THADA: variants seen among roughly 807,000 people sequenced by gnomAD.
THADA encodes THADA armadillo repeat containing, also known as tRNA (32-2'-O)-methyltransferase regulator THADA.
Under a neutral mutation model 219.8 loss-of-function variants are expected in THADA, and 213 were observed. That is an observed-to-expected ratio of 0.97 (90% confidence interval 0.87 to 1.09). The LOEUF (loss-of-function observed/expected upper bound fraction) is 1.09. THADA is among the 50% of genes least tolerant of loss of function. THADA has a pLI of 0.00. For missense variants in THADA, 2,956 were observed against 2,311.3 expected (o/e 1.28, Z -5.72); for synonymous variants, 1,018 against 828.9 (o/e 1.23, Z -3.92).
At chr2:43,275,944 G>C (rs1286680879) in intron 36 of THADA, among the ~76,000 whole-genome samples, 1 of 152,226 alleles carries the variant, frequency 6.6e-6, no homozygotes. Flanking sequence ...AATGCCCGAT[G>C]TGGTATATAA....
At chr2:43,544,771 T>C (rs555013408) in intron 20 of THADA, among the ~76,000 whole-genome samples, 175 of 151,882 alleles carry the variant, frequency 1.2e-3, no homozygotes, top group African/African-American at 4.1e-3. Context: ...TAAGGAGATT[T>C]TGGGCTGAGA....
chr2:43,460,328 A>G (rs546342204), intron 26 of THADA, among the ~76,000 whole-genome samples: 2 of 151,916 alleles, frequency 1.3e-5, no homozygotes, highest in South Asian at 4.2e-4. Context: ...GCCAGTCAGC[A>G]TAAGAAAGAG....
intron 31 of THADA, among the ~76,000 whole-genome samples, chr2:43,299,382 G>T (rs967974610): frequency 6.6e-6 from 1 of 152,198 alleles, no homozygotes; most frequent in African/African-American, 2.4e-5. Flanking sequence ...AATCTAGCCG[G>T]GCGCAGTGGC....
intron 36 of THADA, among the ~76,000 whole-genome samples, chr2:43,263,802 G>A (rs1671226471): frequency 6.6e-6 from 1 of 152,168 alleles, no homozygotes; most frequent in South Asian, 2.1e-4. Context: ...GTAAATGTGT[G>A]CCATGGTGGT....
chr2:43,484,237 T>C lies in THADA; in HGVS notation c.3836+997A>G, dbSNP rs988436214. 13 of 164,312 alleles carry C rather than the reference T, an allele frequency of 7.9e-5. No individual in the cohort carries two copies. The East Asian group carries it at 1.7e-3, about 22-fold the overall frequency. The allele number at this position is 164,312 out of a possible 1,614,324, so 10.2% of individuals were successfully genotyped here. A position where few individuals can be genotyped will look rare whatever the true frequency, so the allele number is the denominator to read the frequency against. ...TTTAAATGATAATTCGGAAATACCA[T>C]AGTAGGTTTCATTAGAATTATCACT... On this transcript the variant is annotated intron_variant, in intron 26 of 37. Coordinates refer to ENST00000405975, the MANE Select transcript of THADA (RefSeq NM_022065.5).
intron 13 of THADA, 68 bp downstream of exon 13, chr2:43,571,639 C>T: frequency 6.6e-7 from 1 of 1,521,156 alleles, no homozygotes; most frequent in South Asian, 1.3e-5. Context: ...AAAATCTGGG[C>T]TCTTTTTAAA....
At chr2:43,337,583 T>C (rs1052236943) in intron 30 of THADA, among the ~76,000 whole-genome samples, 9 of 152,290 alleles carry the variant, frequency 5.9e-5, no homozygotes, top group African/African-American at 1.9e-4. Flanking sequence ...TGGACTTTTT[T>C]AGAAAACAAT....
intron 30 of THADA, among the ~76,000 whole-genome samples, chr2:43,324,715 G>A (rs1679120988): frequency 6.6e-6 from 1 of 152,208 alleles, no homozygotes; most frequent in South Asian, 2.1e-4. Context: ...CCAGAGGTTT[G>A]TTCTCAGTCT....
rs1381625391 is a variant in THADA at position 43,292,081 on chromosome 2, C to T, written c.4937+23G>A. ...GGGACCATACATCTTACCAAGGTTG[C>T]ACAGGAGGTTTTGGGGGCAAACCTT... On this transcript the variant is annotated intron_variant, in intron 33 of 37. Transcript: ENST00000405975. 4 of 1,511,864 alleles carry T rather than the reference C, an allele frequency of 2.6e-6. No individual in the cohort carries two copies. In the Admixed American group the frequency reaches 5.7e-5, roughly 22 times the overall value. The allele number at this position is 1,511,864 out of a possible 1,614,324, so 93.7% of individuals were successfully genotyped here.
intron 20 of THADA, among the ~76,000 whole-genome samples, chr2:43,544,568 T>C (rs1184671354): frequency 3.3e-5 from 5 of 152,190 alleles, no homozygotes; most frequent in African/African-American, 1.2e-4. Flanking sequence ...TGGTTTGTAG[T>C]TCTCCTTGAA....
chr2:43,556,490 G>C lies in THADA; in HGVS notation c.2529C>G (p.Tyr843Ter), dbSNP rs376123654. Residue 843 changes from tyrosine (Y) to a stop codon, truncating the protein, a stop_gained, in exon 17 of 38, where the codon TAC becomes TAG. Coordinates refer to ENST00000405975, the MANE Select transcript of THADA (RefSeq NM_022065.5). LOFTEE classifies it high-confidence loss of function. ...GCAGGTAGGAAGCTGTCACACAGTCGTATGGTTTGGTGCTTGTGCTGAGCT... is the reference window on the plus strand; with the variant it reads ...GCAGGTAGGAAGCTGTCACACAGTCCTATGGTTTGGTGCTTGTGCTGAGCT... ...ALELSTSTKP[Y>*]DCVTASYLLN... The C allele has an allele frequency of 3.7e-6, 6 of 1,613,778 alleles. No individual in the cohort carries two copies. In the African/African-American group the frequency reaches 8.0e-5, roughly 22 times the overall value.
chr2:43,552,069 A>G, intron 18 of THADA, 135 bp downstream of exon 18: 2 of 1,517,108 alleles, frequency 1.3e-6, no homozygotes, highest in Non-Finnish European at 1.8e-6. Flanking sequence ...ACAGATACGT[A>G]TGTTTTTAAA....
chr2:43,531,452 A>G (rs982747597), intron 21 of THADA, among the ~76,000 whole-genome samples: 1 of 152,230 alleles, frequency 6.6e-6, no homozygotes, highest in Non-Finnish European at 1.5e-5. Flanking sequence ...GTTTCGTGCT[A>G]GAAAACAGTA....
At chr2:43,541,107 G>C in intron 21 of THADA, 52 bp downstream of exon 21, 13 of 1,414,764 alleles carry the variant, frequency 9.2e-6, no homozygotes, top group Non-Finnish European at 1.1e-5. Context: ...AAAAAAAAGT[G>C]ATTTATGCGT....
rs193066299 is a variant in THADA at position 43,586,523 on chromosome 2, T to C, written c.485-74A>G. 3.6e-5 allele frequency: 50 copies of C among 1,389,664 alleles called. 1 individual carries two copies. In the South Asian group the frequency reaches 4.4e-4, roughly 12 times the overall value. 86.1% of individuals were successfully genotyped at this position (1,389,664 alleles called of 1,614,324 possible). A position where few individuals can be genotyped will look rare whatever the true frequency, so the allele number is the denominator to read the frequency against. On this transcript the variant is annotated intron_variant, in intron 6 of 37. Coordinates refer to ENST00000405975, the MANE Select transcript of THADA (RefSeq NM_022065.5). ...AATTTCAATAAAATAAAATATTTTA[T>C]ATCACTGTTATCCAAAATGATATCA...
chr2:43,410,450 A>C (rs955179955), intron 28 of THADA, among the ~76,000 whole-genome samples: 6 of 152,242 alleles, frequency 3.9e-5, no homozygotes, highest in Non-Finnish European at 8.8e-5. Flanking sequence ...GTTCCTAGCA[A>C]GTTATTTGTT....
intron 22 of THADA, among the ~76,000 whole-genome samples, chr2:43,515,442 G>T (rs1165167078): frequency 9.0e-6 from 1 of 111,250 alleles, no homozygotes; most frequent in East Asian, 2.4e-4. Flanking sequence ...CAGATAAGAT[G>T]AATTCTAACG....
chr2:43,296,456 AG>A (rs1271115423), intron 31 of THADA, among the ~76,000 whole-genome samples: 1 of 151,432 alleles, frequency 6.6e-6, no homozygotes, highest in East Asian at 2.0e-4. Context: ...TTGTATTTTT[AG>A]TAGAGACAGG....
intron 26 of THADA, among the ~76,000 whole-genome samples, chr2:43,472,797 T>C (rs942188581): frequency 6.6e-6 from 1 of 152,198 alleles, no homozygotes; most frequent in Non-Finnish European, 1.5e-5. Flanking sequence ...ATTACTCCTA[T>C]GCTACAAACC....
Sources: allele counts gnomAD v4.1 joint callset (sites outside exome capture counted in the v4.1 genomes callset), GRCh38; gene constraint gnomAD v4.1.1; transcripts MANE v1.5; gene names NCBI Gene and HGNC (gene_info 2026-07-23, HGNC 2026-07-21).